DENND1A: variants seen among roughly 807,000 people sequenced by gnomAD.
DENND1A encodes the protein DENN domain-containing protein 1A.
A neutral mutation model predicts 113.7 loss-of-function variants in DENND1A; 51 were observed. That is an observed-to-expected ratio of 0.45 (90% CI 0.36 to 0.57). DENND1A has a LOEUF of 0.57. Ranked by LOEUF, DENND1A falls within the 20% of genes least tolerant of loss-of-function variation. The pLI, the probability that DENND1A is intolerant of heterozygous loss-of-function variation, is 0.00. For synonymous variants in DENND1A, 565 were observed against 570.8 expected (o/e 0.99, Z 0.14); for missense variants, 1,258 against 1,395.9 (o/e 0.90, Z 1.57).
intron 2 of DENND1A, among the ~76,000 whole-genome samples, chr9:123,873,187 A>T (rs562794383): frequency 3.0e-4 from 45 of 152,370 alleles, no homozygotes; most frequent in African/African-American, 1.1e-3. Context: ...ACCTGAAATC[A>T]AATATTAAGT....
intron 13 of DENND1A, among the ~76,000 whole-genome samples, chr9:123,482,885 G>T (rs2050464803): frequency 6.6e-6 from 1 of 152,156 alleles, no homozygotes; most frequent in Non-Finnish European, 1.5e-5. Flanking sequence ...AGAGGGGGAG[G>T]GGCTCCAACC....
intron 2 of DENND1A, among the ~76,000 whole-genome samples, chr9:123,854,951 C>G (rs548134396): frequency 7.3e-5 from 11 of 151,092 alleles, no homozygotes; most frequent in Non-Finnish European, 1.6e-4. Flanking sequence ...CTCTAAATCT[C>G]TTTTCTACCT....
At chr9:123,604,199 C>G (rs1175675363) in intron 11 of DENND1A, among the ~76,000 whole-genome samples, 1 of 152,194 alleles carries the variant, frequency 6.6e-6, no homozygotes, top group Non-Finnish European at 1.5e-5. Flanking sequence ...GGAAAGCCCC[C>G]TTTGCCTACA....
chr9:123,584,759 G>A (rs894243910), intron 11 of DENND1A, among the ~76,000 whole-genome samples: 2 of 152,134 alleles, frequency 1.3e-5, no homozygotes, highest in African/African-American at 4.8e-5. Flanking sequence ...CATGCTCTGT[G>A]TACTGCACCA....
At chr9:123,844,324 G>A (rs563209895) in intron 2 of DENND1A, among the ~76,000 whole-genome samples, 49 of 152,148 alleles carry the variant, frequency 3.2e-4, no homozygotes, top group African/African-American at 1.2e-3. Flanking sequence ...AAAATCCTAA[G>A]AAATTCACTA....
intron 8 of DENND1A, among the ~76,000 whole-genome samples, chr9:123,657,056 G>T (rs543776176): frequency 1.3e-5 from 2 of 152,344 alleles, no homozygotes; most frequent in South Asian, 4.1e-4. Flanking sequence ...ACCCAGGCTG[G>T]AAAGGGCTCA....
intron 20 of DENND1A, among the ~76,000 whole-genome samples, chr9:123,406,474 G>A (rs553480144): frequency 6.6e-6 from 1 of 152,336 alleles, no homozygotes; most frequent in South Asian, 2.1e-4. Context: ...TAGAAGATGA[G>A]TTTTAGGATT....
chr9:123,746,152 C>T (rs2069486877), intron 5 of DENND1A, among the ~76,000 whole-genome samples: 1 of 152,108 alleles, frequency 6.6e-6, no homozygotes, highest in Admixed American at 6.5e-5. Flanking sequence ...ACGCCCTTTT[C>T]TGTTTGCAGG....
chr9:123,424,557 C>T lies in DENND1A; in HGVS notation c.1489-12728G>A, dbSNP rs2045567254. Among the ~76,000 whole-genome samples, 3 of 152,196 alleles carry T rather than the reference C, an allele frequency of 2.0e-5. No homozygotes were observed. The South Asian group carries it at 6.2e-4, about 32-fold the overall frequency. ...TACTTCCATCCCCTTCCACAGTGGC[C>T]CAGCATACATATTCCCAGCTGCTAT... On this transcript the variant is annotated intron_variant, in intron 19 of 23. Transcript: ENST00000394215.
intron 1 of DENND1A, among the ~76,000 whole-genome samples, chr9:123,897,332 A>G (rs1850914490): frequency 6.6e-6 from 1 of 152,234 alleles, no homozygotes; most frequent in South Asian, 2.1e-4. Flanking sequence ...ATCAGCATGA[A>G]TAACTTCCAA....
intron 19 of DENND1A, among the ~76,000 whole-genome samples, chr9:123,438,791 T>C (rs893081711): frequency 1.3e-5 from 2 of 152,218 alleles, no homozygotes; most frequent in Admixed American, 6.5e-5. Context: ...CACATACTCT[T>C]ATTCTGCATT....
rs1010295627 is a variant in DENND1A at position 123,791,915 on chromosome 9, C to G, written c.132+672G>C. On this transcript the variant is annotated intron_variant, in intron 3 of 23. Transcript: ENST00000394215. ...GCTACAAAACATCTTCAATATCTCTCAAGATAGAAACTAGAATCCTGAATG... is the reference window on the plus strand; with the variant it reads ...GCTACAAAACATCTTCAATATCTCTGAAGATAGAAACTAGAATCCTGAATG... Among the ~76,000 whole-genome samples the G allele has an allele frequency of 7.2e-5, 11 of 152,272 alleles. No homozygotes were observed. In the South Asian group the frequency reaches 1.2e-3, roughly 17 times the overall value.
At chr9:123,898,957 T>C (rs1447321098) in intron 1 of DENND1A, among the ~76,000 whole-genome samples, 1 of 152,192 alleles carries the variant, frequency 6.6e-6, no homozygotes, top group Non-Finnish European at 1.5e-5. Context: ...CAACCCACCA[T>C]TAAACCAAAT....
At chr9:123,646,937 C>T (rs2139257576) in intron 9 of DENND1A, among the ~76,000 whole-genome samples, 1 of 152,184 alleles carries the variant, frequency 6.6e-6, no homozygotes, top group Middle Eastern at 3.4e-3. Flanking sequence ...GGGATCTTGG[C>T]ACTCTCTCCT....
chr9:123,701,540 G>T (rs2065885187), intron 5 of DENND1A, among the ~76,000 whole-genome samples: 1 of 152,156 alleles, frequency 6.6e-6, no homozygotes, highest in Non-Finnish European at 1.5e-5. Flanking sequence ...CGACACCTGT[G>T]AACTGAGCTT....
intron 12 of DENND1A, among the ~76,000 whole-genome samples, chr9:123,577,756 G>A (rs1296236111): frequency 3.3e-5 from 5 of 152,020 alleles, no homozygotes; most frequent in Non-Finnish European, 7.4e-5. Context: ...TCAGCTTGAC[G>A]AATTCACCCC....
chr9:123,735,503 A>G (rs780554554), intron 5 of DENND1A, among the ~76,000 whole-genome samples: 4 of 152,160 alleles, frequency 2.6e-5, no homozygotes, highest in Non-Finnish European at 5.9e-5. Context: ...TGATCTCTGA[A>G]GTCCTAGTCA....
At chr9:123,446,059 A>C (rs2047280789) in intron 18 of DENND1A, among the ~76,000 whole-genome samples, 1 of 152,206 alleles carries the variant, frequency 6.6e-6, no homozygotes, top group African/African-American at 2.4e-5. Context: ...TCACATAGTT[A>C]ACATCCTACA....
At chr9:123,719,332 A>AT (rs2067183046) in intron 5 of DENND1A, among the ~76,000 whole-genome samples, 1 of 152,156 alleles carries the variant, frequency 6.6e-6, no homozygotes, top group Non-Finnish European at 1.5e-5. Context: ...CTGAGCCAGG[A>AT]TTCAAACCCT....
Sources: allele counts gnomAD v4.1 joint callset (sites outside exome capture counted in the v4.1 genomes callset), GRCh38; gene constraint gnomAD v4.1.1; transcripts MANE v1.5; gene names NCBI Gene and HGNC (gene_info 2026-07-23, HGNC 2026-07-21).